ZC3H3: variants seen among roughly 807,000 people sequenced by gnomAD.
ZC3H3 encodes the protein zinc finger CCCH domain-containing protein 3.
ZC3H3 carries 36 observed loss-of-function variants against 77.3 expected under a neutral mutation model. That is an observed-to-expected ratio of 0.47 (90% confidence interval 0.36 to 0.61). The LOEUF (loss-of-function observed/expected upper bound fraction) is 0.61, where lower values mean the gene tolerates loss of function less well. ZC3H3 is among the 20% of genes least tolerant of loss of function. The pLI, the probability that ZC3H3 is intolerant of heterozygous loss-of-function variation, is 0.00. For missense variants in ZC3H3, 1,331 were observed against 1,312.2 expected (o/e 1.01, Z -0.22); for synonymous variants, 626 against 555.2 (o/e 1.13, Z -1.79).
chr8:143,501,800 C>T (rs408624), intron 4 of ZC3H3, among the ~76,000 whole-genome samples: 4,187 of 152,138 alleles, frequency 0.028, 174 homozygotes, highest in African/African-American at 0.095. Flanking sequence ...CCCCGGGGCG[C>T]GGGTGTTACG....
rs1448294891 is a variant in ZC3H3 at position 143,507,742 on chromosome 8, C to T, written c.1715+4G>A. On this transcript the variant is annotated splice_donor_region_variant and intron_variant, in intron 4 of 11. Transcript: ENST00000262577. ...CTGCAGGAGCCTGCAGGAAGCCTTC[C>T]TACCTGGATAGTGAGAGCCGCCGGG... 37 of 1,563,358 alleles carry T rather than the reference C, an allele frequency of 2.4e-5. No individual in the cohort carries two copies. Among genetic ancestry groups the T allele is most frequent in the Non-Finnish European group, 3.2e-5 (37 of 1,155,046 alleles).
chr8:143,536,333 G>C lies in ZC3H3; in HGVS notation c.1485C>G (p.Asn495Lys). The change falls in exon 3 of 12, where the codon AAC (asparagine) becomes AAG (lysine). Residue 495 changes from asparagine to lysine, a missense_variant. Coordinates refer to ENST00000262577, the MANE Select transcript of ZC3H3 (RefSeq NM_015117.3). Reference protein sequence around the residue: ...KSSPVLKKTPNKGLVQVTTHR... With the variant: ...KSSPVLKKTPKKGLVQVTTHR... ...GCGTGGTGACCTGTACCAGGCCCTT[G>C]TTGGGGGTCTTCTTCAGGACAGGGC... The C allele has an allele frequency of 1.2e-6, 2 of 1,611,162 alleles. No individual in the cohort carries two copies. The highest frequency in any genetic ancestry group is 1.7e-6 in the Non-Finnish European group (2 of 1,179,174).
At chr8:143,443,573 G>C (rs1819800201) in intron 9 of ZC3H3, among the ~76,000 whole-genome samples, 1 of 152,166 alleles carries the variant, frequency 6.6e-6, no homozygotes, top group South Asian at 2.1e-4. Flanking sequence ...CACAACAGAA[G>C]ACCTAGCTTA....
chr8:143,485,173 C>T (rs1239156118), intron 4 of ZC3H3, among the ~76,000 whole-genome samples: 1 of 152,156 alleles, frequency 6.6e-6, no homozygotes, highest in African/African-American at 2.4e-5. Context: ...AGCATGAGTC[C>T]CCCTGGTGCT....
chr8:143,466,861 A>G (rs1448400771), intron 8 of ZC3H3, among the ~76,000 whole-genome samples: 7 of 152,050 alleles, frequency 4.6e-5, no homozygotes. Flanking sequence ...GCCTGCTCAG[A>G]GCTGCTGGGG....
chr8:143,525,365 C>T (rs1038156015), intron 3 of ZC3H3, among the ~76,000 whole-genome samples: 5 of 152,236 alleles, frequency 3.3e-5, no homozygotes, highest in Non-Finnish European at 5.9e-5. Context: ...CGGGCGTGGG[C>T]GCGGTCTCCT....
intron 9 of ZC3H3, among the ~76,000 whole-genome samples, chr8:143,444,327 A>G (rs1253340051): frequency 6.6e-6 from 1 of 152,168 alleles, no homozygotes; most frequent in Admixed American, 6.5e-5. Context: ...TCTTCCATGA[A>G]CAAGTCCACT....
chr8:143,455,479 T>C (rs1820092236), intron 9 of ZC3H3, among the ~76,000 whole-genome samples: 2 of 151,886 alleles, frequency 1.3e-5, no homozygotes, highest in Admixed American at 1.3e-4. Flanking sequence ...CCAGCCTGGG[T>C]GACAGAGCGA....
chr8:143,475,529 G>C lies in ZC3H3; in HGVS notation c.1772C>G (p.Pro591Arg). The C allele has an allele frequency of 6.2e-7, 1 of 1,611,096 alleles. No individual in the cohort carries two copies. The highest frequency in any genetic ancestry group is 8.5e-7 in the Non-Finnish European group (1 of 1,179,172). The stretch of plus-strand genomic sequence containing the variant: ...TTTGCTCCGCCACCAAGGGGAGCCC[G>C]GTTGGGCTTTCCCACCCCCGCTGGC... ...PVASGGGKAQ[P>R]GSPWWRSKGY... The change falls in exon 5 of 12, where the codon CCG becomes CGG. Residue 591 changes from proline (P) to arginine (R), a missense_variant. Pro to Arg is a moderately radical substitution (Grantham distance 103). Coordinates refer to ENST00000262577, the MANE Select transcript of ZC3H3 (RefSeq NM_015117.3).
At chr8:143,485,832 C>T (rs554882005) in intron 4 of ZC3H3, among the ~76,000 whole-genome samples, 1 of 152,272 alleles carries the variant, frequency 6.6e-6, no homozygotes, top group Non-Finnish European at 1.5e-5. Flanking sequence ...AAGGGCACCA[C>T]CAGGAGACCT....
rs553607386 is a variant in ZC3H3, at chr8:143,485,205, G to A, written c.1716-9620C>T. On this transcript the variant is annotated intron_variant, in intron 4 of 11. Transcript: ENST00000262577. ...TGCTGAGAACAGGAGGGAGGCAGGCGGGGCCAGGGATCTGAAGTGTTTGTT... is the reference window on the plus strand; with the variant it reads ...TGCTGAGAACAGGAGGGAGGCAGGCAGGGCCAGGGATCTGAAGTGTTTGTT... Among the ~76,000 whole-genome samples, 264 of 152,334 alleles carry A rather than the reference G, an allele frequency of 1.7e-3. 1 individual carries two copies. Among genetic ancestry groups the A allele is most frequent in the Middle Eastern group, 0.01 (3 of 294 alleles).
intron 4 of ZC3H3, 21 bp from the exon 5 acceptor site, chr8:143,475,606 C>T (rs1024746020): frequency 1.2e-5 from 19 of 1,563,874 alleles, no homozygotes; most frequent in African/African-American, 4.1e-5. Flanking sequence ...AGGAAATGCC[C>T]GTCAAACCTG....
chr8:143,516,156 G>A (rs1004835095), intron 3 of ZC3H3, among the ~76,000 whole-genome samples: 24 of 152,234 alleles, frequency 1.6e-4, no homozygotes, highest in Non-Finnish European at 3.1e-4. Context: ...CTACGCTGGC[G>A]CGGCAGGAGC....
intron 3 of ZC3H3, among the ~76,000 whole-genome samples, chr8:143,515,014 AC>A (rs1821989143): frequency 1.3e-5 from 2 of 152,064 alleles, no homozygotes; most frequent in South Asian, 2.1e-4. Context: ...GCAGACACAC[AC>A]CCCTCCCGTG....
chr8:143,500,552 G>A (rs1392114762), intron 4 of ZC3H3, among the ~76,000 whole-genome samples: 7 of 152,242 alleles, frequency 4.6e-5, no homozygotes, highest in South Asian at 2.1e-4. Flanking sequence ...CACAGCCTGC[G>A]TCATTTATAC....
rs1003021666 is a variant in ZC3H3, at chr8:143,541,394, G to A, written c.28C>T (p.Gln10Ter). Residue 10 changes from glutamine (Q) to a stop codon, truncating the protein, a stop_gained, in exon 1 of 12, where the codon CAG (glutamine) becomes TAG (stop). Transcript: ENST00000262577. LOFTEE classifies it high-confidence loss of function. MEEKEILRR[Q>*]IRLLQGLIDD... is the part of the protein sequence containing the mutation. ...GACCTACCCTGCAGTAGGCGGATCT[G>A]CCGCCGTAATATCTCCTTTTCCTCC... 4 of 1,611,648 alleles carry A rather than the reference G, an allele frequency of 2.5e-6. No individual in the cohort carries two copies. The highest frequency in any genetic ancestry group is 3.4e-6 in the Non-Finnish European group (4 of 1,179,478).
At chr8:143,488,524 G>C (rs11777451) in intron 4 of ZC3H3, among the ~76,000 whole-genome samples, 5,760 of 111,382 alleles carry the variant, frequency 0.052, 201 homozygotes, top group Non-Finnish European at 0.076. Context: ...ACGAAGCTCA[G>C]ACACAGAACA....
intron 3 of ZC3H3, among the ~76,000 whole-genome samples, chr8:143,528,639 A>G (rs1332686836): frequency 6.6e-6 from 1 of 152,166 alleles, no homozygotes; most frequent in African/African-American, 2.4e-5. Flanking sequence ...CGGCCTGCAC[A>G]TCTCAAAGGG....
At chr8:143,450,372 G>A (rs1819957694) in intron 9 of ZC3H3, among the ~76,000 whole-genome samples, 1 of 152,150 alleles carries the variant, frequency 6.6e-6, no homozygotes, top group Admixed American at 6.5e-5. Context: ...GTAGAGATGG[G>A]GTTTGGCCAT....
Sources: allele counts gnomAD v4.1 joint callset (sites outside exome capture counted in the v4.1 genomes callset), GRCh38; gene constraint gnomAD v4.1.1; transcripts MANE v1.5; gene names NCBI Gene and HGNC (gene_info 2026-07-23, HGNC 2026-07-21).